The following CMSS1 variants were observed in gnomAD, a reference collection of about 807,000 sequenced individuals.
CMSS1 encodes protein CMSS1.
In CMSS1, 33 loss-of-function variants were observed where a neutral mutation model predicts 43.5. The observed-to-expected ratio is 0.76, with a 90% CI of 0.57 to 1.01. The LOEUF is 1.01. CMSS1 is among the 50% of genes least tolerant of loss of function. The pLI, the probability that CMSS1 is intolerant of heterozygous loss-of-function variation, is 0.00. For missense variants in CMSS1, 313 were observed against 326.4 expected, an observed-to-expected ratio of 0.96 and a Z score of 0.32; for synonymous variants, 115 against 117.2, an observed-to-expected ratio of 0.98 and a Z score of 0.12.
At chr3:99,846,476 AG>A (rs1304163469) in intron 1 of CMSS1, among the ~76,000 whole-genome samples, 1 of 152,198 alleles carries the variant, frequency 6.6e-6, no homozygotes, top group African/African-American at 2.4e-5. Flanking sequence ...TTCCTTCTAG[AG>A]TTCTGGCCCA....
chr3:99,883,428 G>T (rs1426213455), intron 1 of CMSS1, among the ~76,000 whole-genome samples: 2 of 152,172 alleles, frequency 1.3e-5, no homozygotes, highest in Non-Finnish European at 2.9e-5. Context: ...TGTCCAAAAG[G>T]TTGGTGCTTA....
At chr3:100,055,110 T>G (rs1467257027) in intron 1 of CMSS1, among the ~76,000 whole-genome samples, 1 of 152,150 alleles carries the variant, frequency 6.6e-6, no homozygotes, top group Non-Finnish European at 1.5e-5. Context: ...CTTACCAAAG[T>G]CCTCGTGGTC....
chr3:99,991,973 C>CATGTATGTGTGTATAT lies in CMSS1; in HGVS notation c.65-154999_65-154998insTGTATGTGTGTATATA, dbSNP rs1248111331. On this transcript the variant is annotated intron_variant, in intron 1 of 9. Coordinates refer to ENST00000421999, the MANE Select transcript of CMSS1 (RefSeq NM_032359.4). Reference sequence around the variant, plus strand: ...GTGTATATATGTGTGTATATATACACACATATATGTGTATATATACGTATA... The same window carrying CATGTATGTGTGTATAT: ...GTGTATATATGTGTGTATATATACACATGTATGTGTGTATATACATATATGTGTATATATACGTATA... Among the ~76,000 whole-genome samples, 34 of 147,072 alleles carry CATGTATGTGTGTATAT rather than the reference C, an allele frequency of 2.3e-4. No homozygotes were observed. The South Asian group carries it at 2.8e-3, about 12-fold the overall frequency.
intron 1 of CMSS1, among the ~76,000 whole-genome samples, chr3:99,983,391 T>TAA (rs1249848576): frequency 0.011 from 181 of 16,048 alleles, 2 homozygotes; most frequent in African/African-American, 0.017. Flanking sequence ...AATAAATAAA[T>TAA]ATATATATAT....
At chr3:100,147,145 A>C in intron 2 of CMSS1, 84 bp downstream of exon 2, 1 of 1,427,684 alleles carries the variant, frequency 7.0e-7, no homozygotes, top group Non-Finnish European at 9.5e-7. Flanking sequence ...CCCATGTCCT[A>C]ATATCGGTTG....
At chr3:100,117,872 T>C (rs1576083656) in intron 1 of CMSS1, among the ~76,000 whole-genome samples, 1 of 136,916 alleles carries the variant, frequency 7.3e-6, no homozygotes. Context: ...TATATATATA[T>C]ATATATACAC....
chr3:100,042,943 A>G (rs16841908), intron 1 of CMSS1, among the ~76,000 whole-genome samples: 4,299 of 152,382 alleles, frequency 0.028, 76 homozygotes, highest in Non-Finnish European at 0.045. Flanking sequence ...GGAAAAATGT[A>G]AAGTCCTACA....
chr3:99,850,017 T>C (rs1943588829), intron 1 of CMSS1: 1 of 1,607,486 alleles, frequency 6.2e-7, no homozygotes, highest in Non-Finnish European at 8.5e-7. Flanking sequence ...TCTTTTCTTC[T>C]ACATCGGTTT....
chr3:99,925,587 A>T (rs911066579), intron 1 of CMSS1, among the ~76,000 whole-genome samples: 17 of 148,006 alleles, frequency 1.1e-4, no homozygotes, highest in Admixed American at 2.1e-4. Context: ...TTTAAAAAAA[A>T]TTTTTGATTA....
Position 100,176,423 on chromosome 3 carries a change from G to A in CMSS1, c.756+8G>A, listed in dbSNP as rs1177229243. ...ATGATGGACATTCCCGAGGTACCACGTAACCAGCAGTTGCCTTTAATCATT... is the reference window on the plus strand; with the variant it reads ...ATGATGGACATTCCCGAGGTACCACATAACCAGCAGTTGCCTTTAATCATT... On this transcript the variant is annotated splice_region_variant and intron_variant, in intron 9 of 9. Transcript: ENST00000421999. 25 of 1,574,760 alleles carry A rather than the reference G, an allele frequency of 1.6e-5. No individual in the cohort carries two copies. Among genetic ancestry groups the A allele is most frequent in the Non-Finnish European group, 2.1e-5 (24 of 1,144,984 alleles).
intron 1 of CMSS1, among the ~76,000 whole-genome samples, chr3:99,999,540 A>T (rs1428402627): frequency 6.6e-6 from 1 of 152,200 alleles, no homozygotes; most frequent in East Asian, 1.9e-4. Flanking sequence ...ATATCCTTAC[A>T]CTGTATAAGC....
chr3:100,110,315 TATC>T (rs1242698166), intron 1 of CMSS1, among the ~76,000 whole-genome samples: 1 of 152,046 alleles, frequency 6.6e-6, no homozygotes, highest in Non-Finnish European at 1.5e-5. Flanking sequence ...GTCAGTTTAA[TATC>T]ATGGCTCAGA....
At chr3:100,079,414 G>A (rs933505718) in intron 1 of CMSS1, among the ~76,000 whole-genome samples, 1 of 152,162 alleles carries the variant, frequency 6.6e-6, no homozygotes, top group Admixed American at 6.5e-5. Context: ...CTGATAGTAC[G>A]AATATTGCAT....
intron 1 of CMSS1, among the ~76,000 whole-genome samples, chr3:100,077,023 C>T (rs895771544): frequency 4.6e-5 from 7 of 152,178 alleles, no homozygotes; most frequent in African/African-American, 9.7e-5. Context: ...AGAGGGCTTT[C>T]GGAACAAGGC....
intron 1 of CMSS1, among the ~76,000 whole-genome samples, chr3:99,870,901 A>C (rs1174469015): frequency 6.6e-6 from 1 of 152,208 alleles, no homozygotes; most frequent in Non-Finnish European, 1.5e-5. Flanking sequence ...AGAGAAATTC[A>C]GAGGAGTCCA....
intron 2 of CMSS1, among the ~76,000 whole-genome samples, chr3:100,153,596 C>G (rs1282679109): frequency 6.6e-6 from 1 of 152,112 alleles, no homozygotes; most frequent in Non-Finnish European, 1.5e-5. Context: ...TCCCTGGTGT[C>G]TCTTCTTCTT....
At chr3:100,108,860 C>CT (rs1407865325) in intron 1 of CMSS1, among the ~76,000 whole-genome samples, 2 of 152,142 alleles carry the variant, frequency 1.3e-5, no homozygotes, top group Non-Finnish European at 2.9e-5. Context: ...CTTGCTATGT[C>CT]TATCTGAATA....
chr3:100,149,699 C>A (rs533371093), intron 2 of CMSS1, among the ~76,000 whole-genome samples: 3 of 152,282 alleles, frequency 2.0e-5, no homozygotes, highest in Admixed American at 2.0e-4. Context: ...CTGCTTATCC[C>A]CAGGAGACTC....
intron 1 of CMSS1, among the ~76,000 whole-genome samples, chr3:99,884,795 A>G (rs547346046): frequency 6.6e-5 from 10 of 152,366 alleles, no homozygotes; most frequent in African/African-American, 2.4e-4. Context: ...AAATGTGTAT[A>G]CAGGATACCA....
Sources: gnomAD v4.1 joint callset for allele counts (sites outside exome capture counted in the v4.1 genomes callset) on GRCh38, gnomAD v4.1.1 for gene constraint, MANE v1.5 for transcripts, NCBI Gene and HGNC (gene_info 2026-07-23, HGNC 2026-07-21) for gene names.